Variants in WDR70 observed in about 807,000 individuals in gnomAD.
WDR70 encodes WD repeat-containing protein 70.
WDR70 carries 53 observed loss-of-function variants against 88.6 expected under a neutral mutation model. That is an observed-to-expected ratio of 0.60 (90% confidence interval 0.48 to 0.75). The LOEUF is 0.75. Ranked by LOEUF, WDR70 falls within the 30% of genes least tolerant of loss-of-function variation. The probability of loss-of-function intolerance (pLI) is 0.00; values close to 1 mark genes in which losing one functional copy is unlikely to be tolerated. For missense variants in WDR70, 610 were observed against 823.2 expected (o/e 0.74, Z 3.17); for synonymous variants, 280 against 270.0 (o/e 1.04, Z -0.36).
chr5:37,516,613 C>T (rs772246318), intron 9 of WDR70, 23 bp downstream of exon 9: 2 of 1,500,024 alleles, frequency 1.3e-6, no homozygotes, highest in South Asian at 1.2e-5. Flanking sequence ...GATAATTCAT[C>T]TAATACATTC....
chr5:37,508,707 A>T (rs1740633049), intron 8 of WDR70, among the ~76,000 whole-genome samples: 1 of 152,128 alleles, frequency 6.6e-6, no homozygotes, highest in African/African-American at 2.4e-5. Flanking sequence ...CAAAGATCTT[A>T]GCTTTTATGT....
At chr5:37,450,389 C>G (rs1042576525) in intron 7 of WDR70, among the ~76,000 whole-genome samples, 18 of 152,076 alleles carry the variant, frequency 1.2e-4, no homozygotes, top group African/African-American at 4.3e-4. Context: ...GAAATACATG[C>G]GTGTATATTA....
chr5:37,545,787 G>A (rs1366768868), intron 9 of WDR70, among the ~76,000 whole-genome samples: 1 of 152,126 alleles, frequency 6.6e-6, no homozygotes, highest in African/African-American at 2.4e-5. Flanking sequence ...GCCTCGCAAA[G>A]TGCTGGCATT....
intron 8 of WDR70, among the ~76,000 whole-genome samples, chr5:37,511,589 G>T (rs779136082): frequency 6.6e-6 from 1 of 151,994 alleles, no homozygotes; most frequent in Admixed American, 6.6e-5. Context: ...AGTTTTGCTG[G>T]AATATATTAC....
chr5:37,381,956 G>GGC, intron 3 of WDR70: 1 of 329,794 alleles, frequency 3.0e-6, no homozygotes, highest in Non-Finnish European at 6.0e-6. Flanking sequence ...GTGAGGCTGA[G>GGC]GCAGTGGCTT....
At chr5:37,751,925 C>T (rs1038601040) in intron 17 of WDR70, among the ~76,000 whole-genome samples, 1 of 152,172 alleles carries the variant, frequency 6.6e-6, no homozygotes, top group African/African-American at 2.4e-5. Flanking sequence ...CATTTCCATG[C>T]ATTGGGCTGA....
chr5:37,393,468 G>A (rs1042568833), intron 4 of WDR70, among the ~76,000 whole-genome samples: 1 of 151,996 alleles, frequency 6.6e-6, no homozygotes, highest in Non-Finnish European at 1.5e-5. Context: ...GTTATTTGAT[G>A]TATTTCTACT....
At chr5:37,526,322 G>A (rs545460656) in intron 9 of WDR70, among the ~76,000 whole-genome samples, 2 of 152,242 alleles carry the variant, frequency 1.3e-5, no homozygotes, top group African/African-American at 2.4e-5. Flanking sequence ...TGCAAGGCTG[G>A]TTCAACATAC....
chr5:37,646,016 A>T (rs1018193968), intron 10 of WDR70, among the ~76,000 whole-genome samples: 2 of 151,862 alleles, frequency 1.3e-5, no homozygotes, highest in African/African-American at 4.8e-5. Flanking sequence ...TTAATTAAAA[A>T]AATTTTTTTT....
intron 13 of WDR70, among the ~76,000 whole-genome samples, chr5:37,707,125 A>G (rs1294745170): frequency 6.6e-6 from 1 of 152,246 alleles, no homozygotes; most frequent in Non-Finnish European, 1.5e-5. Flanking sequence ...TAGTTTTTCA[A>G]CAAATGATAA....
chr5:37,650,295 G>A (rs1745365421), intron 10 of WDR70, among the ~76,000 whole-genome samples: 2 of 151,828 alleles, frequency 1.3e-5, no homozygotes, highest in Non-Finnish European at 2.9e-5. Flanking sequence ...CAGCTACTCA[G>A]GAGGCTGAGC....
Position 37,603,928 on chromosome 5 carries a change from TCCTC to T in WDR70, c.918-1134_918-1131del, listed in dbSNP as rs564404746. On this transcript the variant is annotated intron_variant, in intron 9 of 17. Transcript: ENST00000265107. ...GTATAAAACAACATATTTTCCTTCT[TCCTC>T]CTAACCTTTACAATTATTGTCATAC... Among the ~76,000 whole-genome samples, 161 of 152,316 alleles carry T rather than the reference TCCTC, an allele frequency of 1.1e-3. 1 individual carries two copies. Among genetic ancestry groups the T allele is most frequent in the African/African-American group, 3.4e-3 (140 of 41,576 alleles).
chr5:37,692,090 A>C (rs1471734867), intron 10 of WDR70, among the ~76,000 whole-genome samples: 2 of 152,256 alleles, frequency 1.3e-5, no homozygotes, highest in African/African-American at 2.4e-5. Context: ...CTGCACAAAT[A>C]AAATAGAAAA....
At chr5:37,604,906 A>G (rs1743985802) in intron 9 of WDR70, among the ~76,000 whole-genome samples, 158 bp from the exon 10 acceptor site, 1 of 152,206 alleles carries the variant, frequency 6.6e-6, no homozygotes, top group Non-Finnish European at 1.5e-5. Context: ...TTATAAATAG[A>G]GAATCTTTTA....
At chr5:37,526,852 C>A (rs190461787) in intron 9 of WDR70, among the ~76,000 whole-genome samples, 5,285 of 152,056 alleles carry the variant, frequency 0.035, 312 homozygotes, top group African/African-American at 0.12. Context: ...AGACAGAGAG[C>A]CAAATCATGA....
chr5:37,751,575 G>A lies in WDR70; in HGVS notation c.1878-911G>A, dbSNP rs189601122. ...TCCTGGTTTTCTTGCCAAATAAAAG[G>A]AATTATAGTTGTCATTATTTTTACC... On this transcript the variant is annotated intron_variant, in intron 17 of 17. Coordinates refer to ENST00000265107, the MANE Select transcript of WDR70 (RefSeq NM_018034.4). 2.9e-3 allele frequency among the ~76,000 whole-genome samples: 440 copies of A among 152,322 alleles called. 3 individuals are homozygous for A. Among genetic ancestry groups the A allele is most frequent in the Middle Eastern group, 0.017 (5 of 294 alleles).
chr5:37,644,568 T>C (rs1745184746), intron 10 of WDR70, among the ~76,000 whole-genome samples: 1 of 152,086 alleles, frequency 6.6e-6, no homozygotes, highest in Non-Finnish European at 1.5e-5. Context: ...AGTAGCTCTT[T>C]AAATGTTTGG....
chr5:37,487,630 T>A (rs1317052540), intron 8 of WDR70, among the ~76,000 whole-genome samples: 82 of 126,568 alleles, frequency 6.5e-4, no homozygotes, highest in African/African-American at 2.3e-3. Flanking sequence ...TATATGTATT[T>A]TTTTTTTTTT....
At chr5:37,395,935 G>T (rs1158402058) in intron 4 of WDR70, among the ~76,000 whole-genome samples, 2 of 152,064 alleles carry the variant, frequency 1.3e-5, no homozygotes, top group East Asian at 3.9e-4. Flanking sequence ...TGAGTAGCTG[G>T]TACCACAAGC....
Sources: gnomAD v4.1 joint callset for allele counts (sites outside exome capture counted in the v4.1 genomes callset) on GRCh38, gnomAD v4.1.1 for gene constraint, MANE v1.5 for transcripts, NCBI Gene and HGNC (gene_info 2026-07-23, HGNC 2026-07-21) for gene names.